RANBP2: variants seen among roughly 807,000 people sequenced by gnomAD.
RANBP2 encodes the protein E3 SUMO-protein ligase RanBP2.
In RANBP2, 57 loss-of-function variants were observed where a neutral mutation model predicts 303.6. That is an observed-to-expected ratio of 0.19 (90% CI 0.15 to 0.23). RANBP2 has a LOEUF of 0.23. RANBP2 is among the 10% of genes least tolerant of loss of function. The pLI, the probability that RANBP2 is intolerant of heterozygous loss-of-function variation, is 1.00. For missense variants in RANBP2, 3,138 were observed against 3,780.8 expected (o/e 0.83, Z 4.46); for synonymous variants, 1,167 against 1,301.5 (o/e 0.90, Z 2.23).
At chr2:109,363,240 C>A in the RANBP2 span, among the ~76,000 whole-genome samples, 1 of 150,808 alleles carries the variant, frequency 6.6e-6, no homozygotes, top group African/African-American at 2.4e-5. Context: ...TCTTTTTTTA[C>A]TTTTTTAATT....
the RANBP2 span, among the ~76,000 whole-genome samples, chr2:109,469,528 A>G: frequency 6.6e-6 from 1 of 152,128 alleles, no homozygotes; most frequent in Admixed American, 6.6e-5. Flanking sequence ...ATCAAAGCAC[A>G]AAACTTAGGC....
At chr2:108,799,680 A>G in the RANBP2 span, among the ~76,000 whole-genome samples, 18 of 152,080 alleles carry the variant, frequency 1.2e-4, no homozygotes, top group African/African-American at 3.9e-4. Flanking sequence ...TCTTTGGCCA[A>G]ATTTGGGGAA....
the RANBP2 span, among the ~76,000 whole-genome samples, chr2:109,524,726 CAGAG>C: frequency 6.6e-6 from 1 of 151,606 alleles, no homozygotes; most frequent in Non-Finnish European, 1.5e-5. Flanking sequence ...TCCTGGGTGA[CAGAG>C]AAAGACTCCA....
At chr2:108,782,022 C>CT in intron 26 of RANBP2, 106 bp from the exon 27 acceptor site, 1 of 1,321,212 alleles carries the variant, frequency 7.6e-7, no homozygotes, top group Non-Finnish European at 1.0e-6. Flanking sequence ...AACAAATTCT[C>CT]TTTGTCATCA....
In RANBP2 at chr2:108,775,907, A is replaced by G; in HGVS notation, c.8468A>G (p.Lys2823Arg). ...AAACCTGTAGATTTGTCAACTAGAAAGGAAATTGATACAGATTCTACAAGC... is the reference window on the plus strand; with the variant it reads ...AAACCTGTAGATTTGTCAACTAGAAGGGAAATTGATACAGATTCTACAAGC... The part of the protein sequence containing the change: ...MDKPVDLSTR[K>R]EIDTDSTSQG... Residue 2823 changes from lysine (K) to arginine (R), a missense_variant, in exon 24 of 29, where the codon AAG becomes AGG. Lys to Arg is a conservative substitution (Grantham distance 26). Transcript: ENST00000283195. 2 of 1,611,928 alleles carry G rather than the reference A, an allele frequency of 1.2e-6. No homozygotes were observed. The highest frequency in any genetic ancestry group is 1.7e-6 in the Non-Finnish European group (2 of 1,179,862).
the RANBP2 span, among the ~76,000 whole-genome samples, chr2:109,148,104 T>C: frequency 6.6e-6 from 1 of 152,122 alleles, no homozygotes; most frequent in African/African-American, 2.4e-5. Flanking sequence ...GCCAGCCGGG[T>C]CCTACACAGC....
chr2:109,070,763 G>A, the RANBP2 span, among the ~76,000 whole-genome samples: 1,279 of 152,086 alleles, frequency 8.4e-3, 10 homozygotes, highest in East Asian at 0.04. Context: ...GGGAGGCTGA[G>A]GTGGGAGGAT....
chr2:109,001,683 A>C, the RANBP2 span, among the ~76,000 whole-genome samples: 1 of 152,146 alleles, frequency 6.6e-6, no homozygotes, highest in African/African-American at 2.4e-5. Context: ...TGTCTTTAGG[A>C]GGGCTTATTT....
the RANBP2 span, among the ~76,000 whole-genome samples, chr2:109,742,385 C>A: frequency 7.3e-6 from 1 of 137,616 alleles, no homozygotes; most frequent in Non-Finnish European, 1.5e-5. Context: ...CGTGCCATTG[C>A]ACTCCAGCCT....
At chr2:109,558,981 G>A in the RANBP2 span, among the ~76,000 whole-genome samples, 1 of 152,014 alleles carries the variant, frequency 6.6e-6, no homozygotes, top group African/African-American at 2.4e-5. Flanking sequence ...CACCTCCTGG[G>A]TTCAAGCAAT....
the RANBP2 span, chr2:108,929,466 GC>G: frequency 7.2e-7 from 1 of 1,396,390 alleles, no homozygotes; most frequent in Non-Finnish European, 1.0e-6. Context: ...GCAGTGACGT[GC>G]CAGCTGTCTC....
chr2:109,451,989 C>T, the RANBP2 span, among the ~76,000 whole-genome samples: 75 of 152,322 alleles, frequency 4.9e-4, no homozygotes, highest in Non-Finnish European at 4.3e-4. Flanking sequence ...AAGCACATTG[C>T]CCTCCCACAC....
At chr2:109,077,328 T>C in the RANBP2 span, among the ~76,000 whole-genome samples, 3 of 150,688 alleles carry the variant, frequency 2.0e-5, no homozygotes, top group Non-Finnish European at 4.5e-5. Context: ...GATTCAAGGA[T>C]GAATGTTTTT....
chr2:109,431,007 A>G, the RANBP2 span, among the ~76,000 whole-genome samples: 6 of 152,202 alleles, frequency 3.9e-5, no homozygotes, highest in African/African-American at 9.6e-5. Flanking sequence ...AGGGGGGCAG[A>G]TTTCATATTA....
At chr2:109,114,315 T>C in the RANBP2 span, among the ~76,000 whole-genome samples, 1 of 152,220 alleles carries the variant, frequency 6.6e-6, no homozygotes, top group Non-Finnish European at 1.5e-5. Flanking sequence ...TCAGAGCCTG[T>C]TATTGGTCTA....
chr2:109,527,656 G>A, the RANBP2 span, among the ~76,000 whole-genome samples: 1 of 152,144 alleles, frequency 6.6e-6, no homozygotes, highest in African/African-American at 2.4e-5. Context: ...AGGTGTTAAT[G>A]TCGGGGGAGT....
chr2:108,875,203 GAAAC>G, the RANBP2 span, among the ~76,000 whole-genome samples: 3 of 148,662 alleles, frequency 2.0e-5, no homozygotes, highest in Admixed American at 6.7e-5. Flanking sequence ...AAGGAAATAA[GAAAC>G]AAAGCTAGAC....
At chr2:109,656,721 A>G in the RANBP2 span, among the ~76,000 whole-genome samples, 1 of 152,242 alleles carries the variant, frequency 6.6e-6, no homozygotes, top group African/African-American at 2.4e-5. Flanking sequence ...ATCTCACATG[A>G]TAGCAATTAT....
At chr2:109,160,868 G>A in the RANBP2 span, among the ~76,000 whole-genome samples, 123,619 of 152,140 alleles carry the variant, frequency 0.81, 50,402 homozygotes, top group East Asian at 0.89. Context: ...GAGGCTGCAA[G>A]GCTGCAGGTG....
Sources: gnomAD v4.1 joint callset for allele counts (sites outside exome capture counted in the v4.1 genomes callset) on GRCh38, gnomAD v4.1.1 for gene constraint, MANE v1.5 for transcripts, NCBI Gene and HGNC (gene_info 2026-07-23, HGNC 2026-07-21) for gene names.